The following CDH13 variants were observed in gnomAD, a reference collection of about 807,000 sequenced individuals.
CDH13 encodes the protein cadherin-13.
In CDH13, 24 loss-of-function variants were observed where a neutral mutation model predicts 63.8. The ratio of observed to expected loss-of-function variants is 0.38; its 90% CI spans 0.27 to 0.53. The LOEUF (loss-of-function observed/expected upper bound fraction) is 0.53, where lower values mean the gene tolerates loss of function less well. Ranked by LOEUF, CDH13 falls within the 20% of genes least tolerant of loss-of-function variation. CDH13 has a pLI of 0.85. For missense variants in CDH13, 1,049 were observed against 903.1 expected, an observed-to-expected ratio of 1.16 and a Z score of -2.07; for synonymous variants, 503 against 355.3, an observed-to-expected ratio of 1.42 and a Z score of -4.67.
intron 1 of CDH13, among the ~76,000 whole-genome samples, chr16:82,718,229 G>A (rs1008756217): frequency 6.6e-6 from 1 of 152,170 alleles, no homozygotes; most frequent in Non-Finnish European, 1.5e-5. Flanking sequence ...ACATCTCATA[G>A]TTATCCCCAC....
At chr16:83,249,269 C>G (rs1193549329) in intron 5 of CDH13, among the ~76,000 whole-genome samples, 1 of 152,174 alleles carries the variant, frequency 6.6e-6, no homozygotes, top group Non-Finnish European at 1.5e-5. Context: ...CAGCTCATAC[C>G]AGCTTTCGTG....
At chr16:83,580,171 C>T (rs997896650) in intron 7 of CDH13, among the ~76,000 whole-genome samples, 6 of 152,038 alleles carry the variant, frequency 3.9e-5, no homozygotes, top group African/African-American at 1.5e-4. Flanking sequence ...GGGAGTCATG[C>T]AAGGTTGTAG....
intron 4 of CDH13, among the ~76,000 whole-genome samples, chr16:83,139,748 A>C (rs1024887381): frequency 6.6e-6 from 1 of 152,204 alleles, no homozygotes; most frequent in Admixed American, 6.5e-5. Context: ...TCATGCCTGT[A>C]ATCCCAGCAC....
At chr16:83,519,413 T>C (rs1318151147) in intron 7 of CDH13, among the ~76,000 whole-genome samples, 1 of 152,210 alleles carries the variant, frequency 6.6e-6, no homozygotes, top group African/African-American at 2.4e-5. Context: ...AAGAAAGAAC[T>C]AATACTTCAA....
chr16:83,113,603 T>A (rs970961049), intron 3 of CDH13, among the ~76,000 whole-genome samples: 1 of 152,070 alleles, frequency 6.6e-6, no homozygotes, highest in African/African-American at 2.4e-5. Flanking sequence ...GAACGTGTGA[T>A]CAGAAGCTGA....
intron 2 of CDH13, among the ~76,000 whole-genome samples, chr16:82,876,398 A>G (rs975180230): frequency 6.6e-5 from 10 of 152,250 alleles, no homozygotes; most frequent in African/African-American, 2.4e-4. Context: ...TGTATACGAC[A>G]TTGAAAGAAC....
chr16:83,695,215 A>T (rs1323097162), intron 10 of CDH13, among the ~76,000 whole-genome samples: 2 of 152,232 alleles, frequency 1.3e-5, no homozygotes, highest in African/African-American at 2.4e-5. Context: ...TCAAAAAAAA[A>T]TTATTGCAAA....
chr16:83,787,193 A>C (rs182067770), intron 13 of CDH13, among the ~76,000 whole-genome samples: 1 of 152,338 alleles, frequency 6.6e-6, no homozygotes, highest in East Asian at 1.9e-4. Context: ...CCTGTGTTAC[A>C]TTCACAAGGT....
chr16:83,438,027 C>T (rs769772826), intron 6 of CDH13, among the ~76,000 whole-genome samples: 3 of 152,146 alleles, frequency 2.0e-5, no homozygotes, highest in Non-Finnish European at 2.9e-5. Context: ...CACCCCTCAC[C>T]GGTCTCCCTA....
chr16:83,762,238 G>A (rs533804864), intron 11 of CDH13, among the ~76,000 whole-genome samples: 1 of 152,084 alleles, frequency 6.6e-6, no homozygotes, highest in Non-Finnish European at 1.5e-5. Flanking sequence ...TTTAATGCTG[G>A]CATTTTATCT....
intron 5 of CDH13, among the ~76,000 whole-genome samples, chr16:83,251,229 C>T (rs8054668): frequency 0.25 from 37,373 of 152,010 alleles, 4,977 homozygotes; most frequent in South Asian, 0.37. Context: ...CTATTTCTTA[C>T]AACTGTGTGT....
At position 83,684,881 on chromosome 16, in the gene CDH13, G is replaced by C. The variant is rs35289672; in HGVS notation, c.1538+6420G>C. 3.5e-3 allele frequency among the ~76,000 whole-genome samples: 533 copies of C among 152,188 alleles called. 2 individuals carry two copies. Among genetic ancestry groups the C allele is most frequent in the Middle Eastern group, 0.014 (4 of 294 alleles). ...CAGTGGCTCAGAGCAGACGGAAGTT[G>C]ATTTTTTTTTTCTCACATAAAGTAG... On this transcript the variant is annotated intron_variant, in intron 10 of 13. Transcript: ENST00000567109.
intron 5 of CDH13, among the ~76,000 whole-genome samples, chr16:83,236,554 T>C (rs951322570): frequency 1.2e-4 from 19 of 152,152 alleles, no homozygotes; most frequent in African/African-American, 4.6e-4. Flanking sequence ...TGGATGCCAA[T>C]GTGCCTTCCT....
intron 2 of CDH13, among the ~76,000 whole-genome samples, chr16:82,981,797 A>G (rs1012884757): frequency 1.3e-5 from 2 of 152,004 alleles, no homozygotes; most frequent in African/African-American, 4.8e-5. Flanking sequence ...GTTCTACCCA[A>G]TTTTCTCCCG....
chr16:83,030,419 G>T (rs1916195754), intron 2 of CDH13, among the ~76,000 whole-genome samples: 1 of 151,912 alleles, frequency 6.6e-6, no homozygotes. Flanking sequence ...AGTTCTTTGG[G>T]AGGCCTGAGG....
At chr16:83,511,621 C>T (rs1414028036) in intron 7 of CDH13, among the ~76,000 whole-genome samples, 3 of 152,078 alleles carry the variant, frequency 2.0e-5, no homozygotes, top group Non-Finnish European at 2.9e-5. Flanking sequence ...ATTTATTATG[C>T]TTGTCTCACT....
chr16:82,724,490 T>A (rs2032974040), intron 1 of CDH13, among the ~76,000 whole-genome samples: 1 of 152,158 alleles, frequency 6.6e-6, no homozygotes, highest in Non-Finnish European at 1.5e-5. Context: ...CAGAGTATGA[T>A]CCCATATATG....
chr16:82,999,044 A>G (rs1158944685), intron 2 of CDH13, among the ~76,000 whole-genome samples: 1 of 152,102 alleles, frequency 6.6e-6, no homozygotes. Flanking sequence ...GTATTCTTCC[A>G]CGTTCCATCA....
At chr16:83,005,868 C>T (rs999600439) in intron 2 of CDH13, among the ~76,000 whole-genome samples, 1 of 152,198 alleles carries the variant, frequency 6.6e-6, no homozygotes, top group Admixed American at 6.5e-5. Flanking sequence ...CTTGTACAGT[C>T]ATCTTCACTG....
Sources: allele counts gnomAD v4.1 joint callset (sites outside exome capture counted in the v4.1 genomes callset), GRCh38; gene constraint gnomAD v4.1.1; transcripts MANE v1.5; gene names NCBI Gene and HGNC (gene_info 2026-07-23, HGNC 2026-07-21).